NDUFB8: variants seen among roughly 807,000 people sequenced by gnomAD.
The protein encoded by NDUFB8 is NADH dehydrogenase [ubiquinone] 1 beta subcomplex subunit 8, mitochondrial.
Under a neutral mutation model 26.0 loss-of-function variants are expected in NDUFB8, and 17 were observed. The observed-to-expected ratio is 0.65, with a 90% confidence interval of 0.45 to 0.98. The LOEUF (loss-of-function observed/expected upper bound fraction) is 0.98. NDUFB8 is among the 50% of genes least tolerant of loss of function. The probability of loss-of-function intolerance (pLI) is 0.00; values close to 1 mark genes in which losing one functional copy is unlikely to be tolerated. For synonymous variants in NDUFB8, 89 were observed against 93.1 expected (o/e 0.96, Z 0.25); for missense variants, 238 against 255.0 (o/e 0.93, Z 0.45).
rs780733779 is a variant in NDUFB8, at chr10:100,524,263, A to C, written c.469-334T>G. The C allele has an allele frequency of 2.0e-5, 17 of 841,780 alleles. No homozygotes were observed. Among genetic ancestry groups the C allele is most frequent in the Non-Finnish European group, 3.3e-5 (17 of 514,878 alleles). 52.1% of individuals were successfully genotyped at this position (841,780 alleles called of 1,614,324 possible). On this transcript the variant is annotated intron_variant, in intron 4 of 4. Transcript: ENST00000299166. This position sits in a 1 kb window ranked among gnomAD's most constrained non-coding sequence, Gnocchi z 4.0. ...TTAGAGTCAGAGGCAACACTTTCTA[A>C]ATGAGACGATGCATCCATCCATCCC...
intron 2 of NDUFB8, 108 bp downstream of exon 2, chr10:100,529,272 C>G: frequency 7.9e-6 from 8 of 1,010,772 alleles, no homozygotes; most frequent in Non-Finnish European, 1.0e-5. Flanking sequence ...TCCATTGACT[C>G]TGAGGGGTCA....
upstream of NDUFB8, chr10:100,529,900 C>G (rs752116931): frequency 1.3e-6 from 2 of 1,588,366 alleles, no homozygotes; most frequent in East Asian, 4.6e-5. Context: ...AGGCCTGTCA[C>G]GGCGGCTGAG....
chr10:100,529,043 A>G, intron 2 of NDUFB8: 1 of 181,586 alleles, frequency 5.5e-6, no homozygotes, highest in Non-Finnish European at 1.1e-5. Context: ...CCTGGATGAC[A>G]GCACCTGAGC....
chr10:100,529,703 C>T, intron 1 of NDUFB8, 64 bp downstream of exon 1: 4 of 1,576,122 alleles, frequency 2.5e-6, no homozygotes, highest in Non-Finnish European at 3.5e-6. Context: ...ACGATCCCCC[C>T]TCCCGATACA....
chr10:100,526,858 T>C, intron 3 of NDUFB8, 117 bp downstream of exon 3: 1 of 986,422 alleles, frequency 1.0e-6, no homozygotes, highest in Non-Finnish European at 1.6e-6. Context: ...TCACTGGACC[T>C]TGCTTCCTTG....
intron 1 of NDUFB8, 21 bp downstream of exon 1, chr10:100,529,746 G>A (rs368647269): frequency 1.2e-6 from 2 of 1,611,364 alleles, no homozygotes; most frequent in Non-Finnish European, 1.7e-6. Flanking sequence ...CCACACTGAG[G>A]TCTCGCCCGT....
chr10:100,529,170 A>T (rs1852101748), intron 2 of NDUFB8: 2 of 325,852 alleles, frequency 6.1e-6, no homozygotes, highest in African/African-American at 2.2e-5. Flanking sequence ...ATTTGAGGAA[A>T]CAGCCTGAGC....
chr10:100,527,788 T>C (rs144990798), intron 2 of NDUFB8, among the ~76,000 whole-genome samples: 194 of 152,356 alleles, frequency 1.3e-3, no homozygotes, highest in African/African-American at 4.5e-3. Context: ...AAGTTTATAA[T>C]AAAGCTGCCC....
intron 2 of NDUFB8, among the ~76,000 whole-genome samples, chr10:100,528,016 C>T (rs976232602): frequency 5.3e-5 from 8 of 152,176 alleles, no homozygotes; most frequent in Non-Finnish European, 8.8e-5. Context: ...GACAGGGTTT[C>T]GCCACGTTAG....
Position 100,526,472 on chromosome 10 carries a change from T to C in NDUFB8, c.395A>G (p.Gln132Arg). 6.2e-7 allele frequency: 1 copy of C among 1,613,062 alleles called. No homozygotes were observed. Among genetic ancestry groups the C allele is most frequent in the Non-Finnish European group, 8.5e-7 (1 of 1,179,738 alleles). ...TPVSWHVMCM[Q>R]LFGFLAFMIF... ...CATGAAAGCCAGGAAACCGAAGAGC[T>C]GCATACACATGACATGCCAAGAAAC... The change falls in exon 4 of 5, where the codon CAG becomes CGG. Residue 132 changes from glutamine to arginine, a missense_variant. Gln to Arg is a conservative substitution (Grantham distance 43). Transcript: ENST00000299166.
rs1195975541 is a variant in NDUFB8, at chr10:100,526,818, A to G, written c.312+157T>C. ...TTCATGATTCCCAGACGTCCCATTC[A>G]GTGTGCCACATGCAATCTCAGATCT... On this transcript the variant is annotated intron_variant, in intron 3 of 4. Transcript: ENST00000299166. The G allele has an allele frequency of 1.2e-5, 9 of 758,134 alleles. No homozygotes were observed. In the South Asian group the frequency reaches 1.2e-4, roughly 10 times the overall value. The allele number at this position is 758,134 out of a possible 1,614,324, so 47.0% of individuals were successfully genotyped here. A position where few individuals can be genotyped will look rare whatever the true frequency, so the allele number is the denominator to read the frequency against.
chr10:100,529,655 C>T (rs1852116355), intron 1 of NDUFB8, 112 bp downstream of exon 1: 2 of 1,533,502 alleles, frequency 1.3e-6, no homozygotes, highest in South Asian at 1.1e-5. Context: ...ATCAACGCCA[C>T]CTCCACTCCC....
At chr10:100,527,119 A>G in intron 2 of NDUFB8, 45 bp from the exon 3 acceptor site, 2 of 1,468,888 alleles carry the variant, frequency 1.4e-6, no homozygotes, top group Non-Finnish European at 1.9e-6. Context: ...GAGCAGCCTC[A>G]GACAATTCAG....
chr10:100,523,798 G>A lies in NDUFB8; in HGVS notation c.*39C>T. 1.3e-6 allele frequency: 2 copies of A among 1,536,074 alleles called. No individual in the cohort carries two copies. Among genetic ancestry groups the A allele is most frequent in the African/African-American group, 2.7e-5 (2 of 72,950 alleles). The stretch of plus-strand genomic sequence containing the variant: ...TAAGGTTAAATTTCTAGGAATGAGG[G>A]AGTCCTAGTTAGAGGACCCAAAAGC... On this transcript the variant is annotated 3_prime_UTR_variant, in exon 5 of 5. Coordinates refer to ENST00000299166, the MANE Select transcript of NDUFB8 (RefSeq NM_005004.4).
chr10:100,526,560 G>A lies in NDUFB8; in HGVS notation c.313-6C>T. 1.2e-6 allele frequency: 2 copies of A among 1,613,240 alleles called. No homozygotes were observed. The highest frequency in any genetic ancestry group is 1.7e-6 in the Non-Finnish European group (2 of 1,179,844). ...ATGTCTAGGTGCCAGTGCATCTGAG[G>A]CAGAAAGACAAATAGCTGTCACATA... is the stretch of plus-strand genomic sequence containing the variant. On this transcript the variant is annotated splice_region_variant and splice_polypyrimidine_tract_variant and intron_variant, in intron 3 of 4. Coordinates refer to ENST00000299166, the MANE Select transcript of NDUFB8 (RefSeq NM_005004.4).
intron 2 of NDUFB8, chr10:100,529,160 A>C: frequency 3.9e-5 from 14 of 357,858 alleles, no homozygotes; most frequent in East Asian, 6.6e-5. Flanking sequence ...CGGCTTCCTC[A>C]TTTGAGGAAA....
At chr10:100,526,895 CA>C in intron 3 of NDUFB8, 79 bp downstream of exon 3, 1 of 1,342,934 alleles carries the variant, frequency 7.4e-7, no homozygotes, top group Non-Finnish European at 1.1e-6. Context: ...GTTACTTGGT[CA>C]AAGAAGTGCC....
At chr10:100,526,632 G>T in intron 3 of NDUFB8, 78 bp from the exon 4 acceptor site, 3 of 1,524,124 alleles carry the variant, frequency 2.0e-6, no homozygotes, top group Non-Finnish European at 2.7e-6. Context: ...ATTAGAGCCT[G>T]ATACAAGGCT....
intron 3 of NDUFB8, 87 bp downstream of exon 3, chr10:100,526,888 A>T: frequency 8.0e-7 from 1 of 1,252,432 alleles, no homozygotes; most frequent in Non-Finnish European, 1.2e-6. Context: ...GCTTAGTGTT[A>T]CTTGGTCAAA....
Sources: allele counts gnomAD v4.1 joint callset (sites outside exome capture counted in the v4.1 genomes callset), GRCh38; gene constraint gnomAD v4.1.1; non-coding constraint Gnocchi (gnomAD v3.1); transcripts MANE v1.5; gene names NCBI Gene and HGNC (gene_info 2026-07-23, HGNC 2026-07-21).